MYH4: variants seen among roughly 807,000 people sequenced by gnomAD.
The protein encoded by MYH4 is myosin-4.
MYH4 carries 200 observed loss-of-function variants against 229.9 expected under a neutral mutation model. The ratio of observed to expected loss-of-function variants is 0.87; its 90% CI spans 0.78 to 0.98. The LOEUF (loss-of-function observed/expected upper bound fraction) is 0.98, where lower values mean the gene tolerates loss of function less well. MYH4 is among the 50% of genes least tolerant of loss of function. The probability of loss-of-function intolerance (pLI) is 0.00; values close to 1 mark genes in which losing one functional copy is unlikely to be tolerated. For missense variants in MYH4, 2,148 were observed against 2,332.6 expected (o/e 0.92, Z 1.63); for synonymous variants, 761 against 834.6 (o/e 0.91, Z 1.52).
In MYH4 at chr17:10,453,840, TC is replaced by T; in HGVS notation, c.2736del (p.Ile913LeufsTer14). 1 of 1,614,166 alleles carries T rather than the reference TC, an allele frequency of 6.2e-7. No homozygotes were observed. The highest frequency in any genetic ancestry group is 8.5e-7 in the Non-Finnish European group (1 of 1,180,026). ...GCCTCAAGTTGGATTTTGGTTTTAA[TC>T]AACTGATCACATCTTTCCTCTGCAT... ...LADAEERCDQ[L>X]IKTKIQLEAK... On this transcript the variant is annotated frameshift_variant, in exon 23 of 40. Coordinates refer to ENST00000255381, the MANE Select transcript of MYH4 (RefSeq NM_017533.2). LOFTEE classifies it high-confidence loss of function.
Position 10,448,523 on chromosome 17 carries a change from G to A in MYH4, c.4532-3C>T. ...CTCTGTCAGGTCAGAAATCTCCTCT[G>A]TAATAATAAAGTACCAAATTTCAGT... On this transcript the variant is annotated splice_region_variant and splice_polypyrimidine_tract_variant and intron_variant, in intron 32 of 39. Transcript: ENST00000255381. The A allele has an allele frequency of 6.2e-7, 1 of 1,612,152 alleles. No homozygotes were observed. Among genetic ancestry groups the A allele is most frequent in the Non-Finnish European group, 8.5e-7 (1 of 1,179,546 alleles).
intron 11 of MYH4, among the ~76,000 whole-genome samples, chr17:10,462,055 A>G (rs559829209): frequency 6.6e-6 from 1 of 152,332 alleles, no homozygotes; most frequent in South Asian, 2.1e-4. Flanking sequence ...TAAAGCTGAT[A>G]TTTATAATAT....
rs780288488 is a variant in MYH4, at chr17:10,466,577, C to G, written c.169G>C (p.Gly57Arg). 4.3e-6 allele frequency: 7 copies of G among 1,613,830 alleles called. No individual in the cohort carries two copies. The highest frequency in any genetic ancestry group is 1.7e-4 in the Middle Eastern group (1 of 5,862). The change falls in exon 3 of 40, where the codon GGG (glycine) becomes CGG (arginine). Residue 57 changes from glycine (G) to arginine (R), a missense_variant. Gly to Arg is a moderately radical substitution (Grantham distance 125). Coordinates refer to ENST00000255381, the MANE Select transcript of MYH4 (RefSeq NM_017533.2). Reference sequence around the variant, plus strand: ...TCGGTCTTGGCTGTCACCTTCCCCCCTTCCCTGCTCTGCACTATTGCTTTC... The same window carrying G: ...TCGGTCTTGGCTGTCACCTTCCCCCGTTCCCTGCTCTGCACTATTGCTTTC... The part of the protein sequence containing the change: ...YVKAIVQSRE[G>R]GKVTAKTEAG...
rs778436363 is a variant in MYH4 at position 10,454,992 on chromosome 17, A to G, written c.2384T>C (p.Ile795Thr). 6 of 1,614,170 alleles carry G rather than the reference A, an allele frequency of 3.7e-6. No homozygotes were observed. In the Admixed American group the frequency reaches 1.0e-4, roughly 27 times the overall value. The change falls in exon 21 of 40, where the codon ATA becomes ACA. Residue 795 changes from isoleucine (I) to threonine (T), a missense_variant. By Grantham distance (89) the Ile-to-Thr change is moderately conservative (BLOSUM62 -1). Transcript: ENST00000255381. ...CACTCTCATCAGGAACCCTCTGCAT[A>G]TGGCTTGAGTGCGCGTGATGAGTTG... is the stretch of plus-strand genomic sequence containing the variant. ...LAQLITRTQA[I>T]CRGFLMRVEF...
intron 12 of MYH4, among the ~76,000 whole-genome samples, chr17:10,460,629 C>T (rs910788911): frequency 1.1e-4 from 16 of 152,166 alleles, no homozygotes; most frequent in African/African-American, 3.4e-4. Flanking sequence ...CAGAAATATT[C>T]AGATCTCTGT....
In MYH4 at chr17:10,445,018, C is replaced by T. The variant is rs141762664; in HGVS notation, c.5424G>A (p.Ala1808=). The change falls in exon 37 of 40, where the codon GCG becomes GCA. Residue 1808 remains alanine, a synonymous_variant. Coordinates refer to ENST00000255381, the MANE Select transcript of MYH4 (RefSeq NM_017533.2). ...GGATCTGCTTCTTCCCACCCTTCAGCGCCAGCTGCTCAGCCTCATCCAGAC... is the reference window on the plus strand; with the variant it reads ...GGATCTGCTTCTTCCCACCCTTCAGTGCCAGCTGCTCAGCCTCATCCAGAC... ...QLRLDEAEQL[A]LKGGKKQIQK... is the part of the protein sequence containing the mutation. 106 of 1,614,136 alleles carry T rather than the reference C, an allele frequency of 6.6e-5. 1 individual carries two copies. The South Asian group carries it at 8.2e-4, about 13-fold the overall frequency.
In MYH4 at chr17:10,455,056, G is replaced by A; in HGVS notation, c.2320C>T (p.Leu774=). 1.9e-6 allele frequency: 3 copies of A among 1,614,140 alleles called. No homozygotes were observed. Among genetic ancestry groups the A allele is most frequent in the Non-Finnish European group, 2.5e-6 (3 of 1,180,034 alleles). ...HTKVFFKAGL[L]GTLEEMRDEK... is the part of the protein sequence containing the mutation. ...TCTCGCATTTCCTCTAGAGTTCCCA[G>A]CAGGCCAGCTTTGAAGAAAACCTTA... Residue 774 remains leucine, a synonymous_variant, in exon 21 of 40, where the codon CTG becomes TTG. Coordinates refer to ENST00000255381, the MANE Select transcript of MYH4 (RefSeq NM_017533.2).
rs372233194 is a variant in MYH4, at chr17:10,447,116, A to G, written c.5066T>C (p.Val1689Ala). Residue 1689 changes from valine (V) to alanine (A), a missense_variant, in exon 35 of 40, where the codon GTT becomes GCT. Transcript: ENST00000255381. ...ERRANLMQAE[V>A]EELRASLERT... Reference sequence around the variant, plus strand: ...TTCCAGGGATGCCCTGAGCTCTTCAACTTCAGCCTGCATCAGGTTAGCTCT... The same window carrying G: ...TTCCAGGGATGCCCTGAGCTCTTCAGCTTCAGCCTGCATCAGGTTAGCTCT... The G allele has an allele frequency of 1.9e-6, 3 of 1,613,954 alleles. No individual in the cohort carries two copies. Among genetic ancestry groups the G allele is most frequent in the South Asian group, 2.2e-5 (2 of 91,076 alleles).
intron 30 of MYH4, 75 bp downstream of exon 30, chr17:10,450,378 A>G (rs2072558964): frequency 6.2e-7 from 1 of 1,606,436 alleles, no homozygotes; most frequent in Non-Finnish European, 8.5e-7. Context: ...AGCCCGGAAT[A>G]TTCTCTTTCT....
intron 2 of MYH4, 132 bp downstream of exon 2, chr17:10,469,156 G>C (rs2072796766): frequency 6.6e-6 from 1 of 152,136 alleles, no homozygotes; most frequent in Non-Finnish European, 1.5e-5. Context: ...TTATGAGAAG[G>C]CATTTTTAAA....
In MYH4 at chr17:10,452,502, C is replaced by T; in HGVS notation, c.3262G>A (p.Glu1088Lys). ...CCTTGCAGATTGCTCATTTCAAACT[C>T]TTTCCTATTAGAAGAGCAACACATT... ...QQLNEKLKKK[E>K]FEMSNLQGKI... Residue 1088 changes from glutamate to lysine, a missense_variant, in exon 26 of 40, where the codon GAG (glutamate) becomes AAG (lysine). Coordinates refer to ENST00000255381, the MANE Select transcript of MYH4 (RefSeq NM_017533.2). The T allele has an allele frequency of 6.2e-7, 1 of 1,613,710 alleles. No individual in the cohort carries two copies. The highest frequency in any genetic ancestry group is 8.5e-7 in the Non-Finnish European group (1 of 1,179,774).
chr17:10,467,984 A>G lies in MYH4; in HGVS notation c.-39-1200T>C, dbSNP rs555053647. On this transcript the variant is annotated intron_variant, in intron 2 of 39. Coordinates refer to ENST00000255381, the MANE Select transcript of MYH4 (RefSeq NM_017533.2). ...CTTTCCAGAGTCTTGATCTTTTGTC[A>G]TCAGCATTAACTTTCCCTCAACTTA... 2.6e-5 allele frequency among the ~76,000 whole-genome samples: 4 copies of G among 152,312 alleles called. No homozygotes were observed. In the South Asian group the frequency reaches 6.2e-4, roughly 24 times the overall value.
At chr17:10,456,432 T>C (rs1287636858) in intron 17 of MYH4, 53 bp downstream of exon 17, 26 of 1,452,900 alleles carry the variant, frequency 1.8e-5, no homozygotes, top group Non-Finnish European at 2.5e-5. Flanking sequence ...TCTGTTTTGA[T>C]GGTTTAGTTT....
chr17:10,464,636 C>T, intron 6 of MYH4, 45 bp downstream of exon 6: 3 of 1,612,534 alleles, frequency 1.9e-6, no homozygotes, highest in Non-Finnish European at 1.7e-6. Context: ...TAGTAGTAGC[C>T]ACTACAATGA....
intron 4 of MYH4, 24 bp from the exon 5 acceptor site, chr17:10,465,622 C>T (rs755433967): frequency 1.2e-6 from 2 of 1,613,900 alleles, no homozygotes; most frequent in East Asian, 2.2e-5. Flanking sequence ...CGGGGTTCCT[C>T]GATCAGCAAT....
In MYH4 at chr17:10,450,448, C is replaced by T; in HGVS notation, c.4181+5G>A. The T allele has an allele frequency of 6.2e-7, 1 of 1,613,986 alleles. No homozygotes were observed. The highest frequency in any genetic ancestry group is 8.5e-7 in the Non-Finnish European group (1 of 1,179,878). ...TTCCTGCTCCCCTGCACTAAAAGCA[C>T]ATACTTGGCCTCCTCCAGCTCCTCT... On this transcript the variant is annotated splice_donor_5th_base_variant and intron_variant, in intron 30 of 39. Transcript: ENST00000255381.
chr17:10,463,184 C>T lies in MYH4; in HGVS notation c.810G>A (p.Leu270=), dbSNP rs1487642832. 1 of 1,612,042 alleles carries T rather than the reference C, an allele frequency of 6.2e-7. No homozygotes were observed. The highest frequency in any genetic ancestry group is 2.2e-5 in the East Asian group (1 of 44,862). ...GAAAAGTAACTCGGGACTTCTCTAG[C>T]AGATCTGGAAGTCAGATTAAGCTCA... ...KLASADIETY[L]LEKSRVTFQL... is the part of the protein sequence containing the mutation. Residue 270 remains leucine (L), a synonymous_variant, in exon 10 of 40, where the codon CTG becomes CTA. Coordinates refer to ENST00000255381, the MANE Select transcript of MYH4 (RefSeq NM_017533.2).
At chr17:10,465,691 A>T in intron 4 of MYH4, 93 bp from the exon 5 acceptor site, 1 of 1,504,880 alleles carries the variant, frequency 6.6e-7, no homozygotes, top group South Asian at 1.2e-5. Context: ...GGACCTAAGT[A>T]CTGTGTTAGT....
rs758062826 is a variant in MYH4 at position 10,463,404 on chromosome 17, T to C, written c.742-3A>G. On this transcript the variant is annotated splice_region_variant and splice_polypyrimidine_tract_variant and intron_variant, in intron 8 of 39. Coordinates refer to ENST00000255381, the MANE Select transcript of MYH4 (RefSeq NM_017533.2). ...AAATGGATCCTGATGAATTTACCCT[T>C]AAAAAAGAAAAGGAGGGATTATTAT... The C allele has an allele frequency of 6.2e-7, 1 of 1,611,674 alleles. No individual in the cohort carries two copies. Among genetic ancestry groups the C allele is most frequent in the East Asian group, 2.2e-5 (1 of 44,866 alleles).
Sources: allele counts gnomAD v4.1 joint callset (sites outside exome capture counted in the v4.1 genomes callset), GRCh38; gene constraint gnomAD v4.1.1; transcripts MANE v1.5; gene names NCBI Gene and HGNC (gene_info 2026-07-23, HGNC 2026-07-21).